Variants in GLT8D2 observed in about 807,000 individuals in gnomAD.
GLT8D2 encodes glycosyltransferase 8 domain containing 2.
GLT8D2 carries 45 observed loss-of-function variants against 44.5 expected under a neutral mutation model. The observed-to-expected ratio is 1.01, with a 90% CI of 0.80 to 1.30. The LOEUF is 1.30. Among genes scored for constraint, GLT8D2 ranks in the 50% most tolerant of loss-of-function variants. The pLI is 0.00. For synonymous variants in GLT8D2, 156 were observed against 157.2 expected, an observed-to-expected ratio of 0.99 and a Z score of 0.06; for missense variants, 400 against 430.4, an observed-to-expected ratio of 0.93 and a Z score of 0.62.
chr12:104,050,702 C>A (rs1028496371), upstream of GLT8D2, among the ~76,000 whole-genome samples: 3 of 152,172 alleles, frequency 2.0e-5, no homozygotes, highest in Non-Finnish European at 4.4e-5. Context: ...GAATTTATTT[C>A]TGCAATGGCT....
At chr12:103,999,635 A>G (rs976940313) in intron 5 of GLT8D2, 121 bp from the exon 6 acceptor site, 10 of 671,778 alleles carry the variant, frequency 1.5e-5, no homozygotes, top group Admixed American at 2.2e-5. Flanking sequence ...GCGTAAATTT[A>G]GTAGAGTTTA....
intron 10 of GLT8D2, among the ~76,000 whole-genome samples, chr12:103,992,004 C>G (rs1872797863): frequency 6.6e-6 from 1 of 152,112 alleles, no homozygotes; most frequent in Non-Finnish European, 1.5e-5. Flanking sequence ...CCCCAAAGGT[C>G]TGAAAACAAA....
intron 1 of GLT8D2, among the ~76,000 whole-genome samples, chr12:104,028,421 C>T (rs532027861): frequency 1.4e-4 from 21 of 152,180 alleles, no homozygotes; most frequent in Non-Finnish European, 2.9e-4. Context: ...ACAAAAAAAT[C>T]CCAAGTGGAC....
intron 1 of GLT8D2, among the ~76,000 whole-genome samples, chr12:104,047,593 G>A (rs1481538864): frequency 2.0e-5 from 3 of 152,066 alleles, no homozygotes; most frequent in African/African-American, 7.2e-5. Flanking sequence ...GGTGTGAGCC[G>A]CTGTGCCCAG....
intron 2 of GLT8D2, 77 bp from the exon 3 acceptor site, chr12:104,019,753 C>T: frequency 1.1e-6 from 1 of 905,276 alleles, no homozygotes. Context: ...AGGACTATGC[C>T]TTCCCTGAAA....
intron 4 of GLT8D2, among the ~76,000 whole-genome samples, chr12:104,007,739 C>T (rs1375210746): frequency 1.3e-5 from 2 of 152,142 alleles, no homozygotes; most frequent in Non-Finnish European, 2.9e-5. Context: ...GCTCTGTGTC[C>T]TCACCAAAAT....
chr12:103,993,531 T>A (rs757666677), intron 9 of GLT8D2, 27 bp from the exon 10 acceptor site: 4 of 1,477,080 alleles, frequency 2.7e-6, no homozygotes, highest in Non-Finnish European at 3.7e-6. Flanking sequence ...AAAAACAACA[T>A]TTGGCCTGGA....
intron 4 of GLT8D2, among the ~76,000 whole-genome samples, chr12:104,007,845 T>A (rs976269646): frequency 6.6e-6 from 1 of 152,168 alleles, no homozygotes; most frequent in African/African-American, 2.4e-5. Flanking sequence ...CCCATACTGT[T>A]CTCATGGTAG....
intron 7 of GLT8D2, among the ~76,000 whole-genome samples, chr12:103,997,087 C>T (rs79327130): frequency 0.06 from 9,071 of 152,314 alleles, 352 homozygotes; most frequent in South Asian, 0.086. Flanking sequence ...GTAGATACCA[C>T]ACCAATGCGT....
At chr12:104,052,060 A>G (rs932698937), upstream of GLT8D2, among the ~76,000 whole-genome samples, 3 of 152,230 alleles carry the variant, frequency 2.0e-5, no homozygotes, top group Admixed American at 1.3e-4. Context: ...GTTGGTCCAA[A>G]TGTACTTAAA....
intron 1 of GLT8D2, among the ~76,000 whole-genome samples, chr12:104,059,854 C>A (rs745938705): frequency 3.3e-5 from 5 of 152,144 alleles, no homozygotes; most frequent in Non-Finnish European, 7.3e-5. Context: ...ACAAGTCTCA[C>A]CATCCAAAAT....
At chr12:104,006,214 C>G in intron 4 of GLT8D2, among the ~76,000 whole-genome samples, 1 of 133,902 alleles carries the variant, frequency 7.5e-6, no homozygotes, top group African/African-American at 2.9e-5. Flanking sequence ...AGGGGAACAT[C>G]ACATACCAGG....
At chr12:104,029,898 CA>C (rs1383879344) in intron 1 of GLT8D2, 1 of 151,882 alleles carries the variant, frequency 6.6e-6, no homozygotes, top group Non-Finnish European at 1.5e-5. Flanking sequence ...TCAACATTGT[CA>C]AAATGTCTAT....
At chr12:104,007,522 A>T (rs1012943520) in intron 4 of GLT8D2, among the ~76,000 whole-genome samples, 32 of 152,182 alleles carry the variant, frequency 2.1e-4, no homozygotes, top group Admixed American at 4.6e-4. Flanking sequence ...TTTTGTTTTC[A>T]CAATATATTT....
chr12:104,002,751 C>A lies in GLT8D2; in HGVS notation c.284+384G>T, dbSNP rs145965085. Among the ~76,000 whole-genome samples the A allele has an allele frequency of 2.0e-3, 305 of 152,110 alleles. 2 individuals carry two copies. The highest frequency in any genetic ancestry group is 3.9e-4 in the East Asian group (2 of 5,174). On this transcript the variant is annotated intron_variant, in intron 5 of 10. Coordinates refer to ENST00000360814, the MANE Select transcript of GLT8D2 (RefSeq NM_001384711.1). ...TTGAACCCAGGATTTCAAGACAAAC[C>A]TAAGCAACAAAGAGAGACTCGCTCT... is the stretch of plus-strand genomic sequence containing the variant.
chr12:104,002,131 A>G (rs1159353767), intron 5 of GLT8D2, among the ~76,000 whole-genome samples: 2 of 151,974 alleles, frequency 1.3e-5, no homozygotes, highest in South Asian at 2.1e-4. Flanking sequence ...GCTAATTTCT[A>G]AAATTTTTAG....
At chr12:104,042,176 T>C (rs952158355) in intron 1 of GLT8D2, among the ~76,000 whole-genome samples, 6 of 152,158 alleles carry the variant, frequency 3.9e-5, no homozygotes, top group African/African-American at 1.4e-4. Flanking sequence ...AGCCACATAA[T>C]ATAGATCTGA....
intron 1 of GLT8D2, among the ~76,000 whole-genome samples, chr12:104,035,300 G>C (rs1229976927): frequency 6.6e-6 from 1 of 152,224 alleles, no homozygotes; most frequent in African/African-American, 2.4e-5. Flanking sequence ...ATGGAACAAA[G>C]CTGGACGGAG....
At chr12:104,013,739 A>G (rs1876169697) in intron 4 of GLT8D2, among the ~76,000 whole-genome samples, 1 of 152,020 alleles carries the variant, frequency 6.6e-6, no homozygotes. Context: ...GAATAAATGT[A>G]TGTAACACAC....
Sources: allele counts gnomAD v4.1 joint callset (sites outside exome capture counted in the v4.1 genomes callset), GRCh38; gene constraint gnomAD v4.1.1; transcripts MANE v1.5; gene names NCBI Gene and HGNC (gene_info 2026-07-23, HGNC 2026-07-21).